Variants in ARHGAP21 observed in about 807,000 individuals in gnomAD.
ARHGAP21 encodes rho GTPase-activating protein 21.
A neutral mutation model predicts 164.6 loss-of-function variants in ARHGAP21; 38 were observed. That is an observed-to-expected ratio of 0.23 (90% CI 0.18 to 0.30). The LOEUF (loss-of-function observed/expected upper bound fraction) is 0.30. ARHGAP21 is among the 10% of genes least tolerant of loss of function. The pLI, the probability that ARHGAP21 is intolerant of heterozygous loss-of-function variation, is 1.00. For missense variants in ARHGAP21, 1,822 were observed against 2,370.7 expected, an observed-to-expected ratio of 0.77 and a Z score of 4.81; for synonymous variants, 766 against 857.9, an observed-to-expected ratio of 0.89 and a Z score of 1.87.
intron 7 of ARHGAP21, among the ~76,000 whole-genome samples, chr10:24,628,046 T>C (rs951592018): frequency 3.9e-5 from 6 of 152,248 alleles, no homozygotes; most frequent in Admixed American, 1.3e-4. Flanking sequence ...GGTAAATCCT[T>C]CGCTACCATA....
Position 24,585,370 on chromosome 10 carries a change from T to C in ARHGAP21, c.4919A>G (p.Glu1640Gly). ...CAAGGCTGTGGGGAACACGGGAAACTCGCTCTCGCTGTCGGTTTCCACAGG... is the reference window on the plus strand; with the variant it reads ...CAAGGCTGTGGGGAACACGGGAAACCCGCTCTCGCTGTCGGTTTCCACAGG... ...GRPVETDSES[E>G]FPVFPTALTS... Residue 1640 changes from glutamate (E) to glycine (G), a missense_variant, in exon 26 of 26, where the codon GAG (glutamate) becomes GGG (glycine). Transcript: ENST00000396432. 1 of 1,613,910 alleles carries C rather than the reference T, an allele frequency of 6.2e-7. No individual in the cohort carries two copies.
At chr10:24,658,591 C>T (rs556253178) in intron 4 of ARHGAP21, among the ~76,000 whole-genome samples, 1 of 152,234 alleles carries the variant, frequency 6.6e-6, no homozygotes, top group South Asian at 2.1e-4. Flanking sequence ...GAAAACCAAA[C>T]ACTGCATGTT....
At chr10:24,596,564 CAATACATTAGAAAA>C in intron 17 of ARHGAP21, 162 bp downstream of exon 17, 1 of 763,354 alleles carries the variant, frequency 1.3e-6, no homozygotes. Context: ...ATTTCGGAGT[CAATACATTAGAAAA>C]AAAGCATTAC....
intron 2 of ARHGAP21, among the ~76,000 whole-genome samples, chr10:24,693,411 C>T (rs1291436290): frequency 2.0e-5 from 3 of 151,784 alleles, no homozygotes; most frequent in Non-Finnish European, 4.4e-5. Flanking sequence ...ATGGCACTAT[C>T]TCAGCTCACT....
chr10:24,717,980 G>A (rs1052865846), intron 2 of ARHGAP21, among the ~76,000 whole-genome samples: 2 of 152,154 alleles, frequency 1.3e-5, no homozygotes, highest in Non-Finnish European at 2.9e-5. Context: ...TGCCCATCAG[G>A]AGGATCATTC....
chr10:24,588,066 T>C (rs1217171133), intron 25 of ARHGAP21, among the ~76,000 whole-genome samples: 1 of 152,190 alleles, frequency 6.6e-6, no homozygotes, highest in Non-Finnish European at 1.5e-5. Flanking sequence ...ATTAAAGAAG[T>C]CTAAAGAGAT....
In ARHGAP21 at chr10:24,667,007, A is replaced by T. The variant is rs764738543; in HGVS notation, c.246T>A (p.Asp82Glu). The change falls in exon 4 of 26, where the codon GAT becomes GAA. Residue 82 changes from aspartate to glutamate, a missense_variant and splice_region_variant. Around this residue, in one of 5 missense-constraint regions of ARHGAP21, gnomAD observed 1,090 missense variants for 1,378.9 expected, o/e 0.79. Coordinates refer to ENST00000396432, the MANE Select transcript of ARHGAP21 (RefSeq NM_020824.4). ...TACCTCCTCTGTTTCCATTTTCTTC[A>T]TCCTACAAATGAAAATATATATATA... The part of the protein sequence containing the change: ...PESAIQFSYK[D>E]EENGNRGGKQ... 2 of 1,398,738 alleles carry T rather than the reference A, an allele frequency of 1.4e-6. No homozygotes were observed. The highest frequency in any genetic ancestry group is 2.5e-5 in the South Asian group (2 of 80,334). 86.6% of individuals were successfully genotyped at this position (1,398,738 alleles called of 1,614,324 possible). A position where few individuals can be genotyped will look rare whatever the true frequency, so the allele number is the denominator to read the frequency against.
At chr10:24,596,110 T>G in intron 17 of ARHGAP21, 67 bp from the exon 18 acceptor site, 1 of 1,336,522 alleles carries the variant, frequency 7.5e-7, no homozygotes, top group Non-Finnish European at 1.0e-6. Context: ...ATATCACAGC[T>G]AAAATGCCCC....
intron 4 of ARHGAP21, among the ~76,000 whole-genome samples, chr10:24,639,868 AATTATTTGAAATTTTTAAAT>A (rs1352004199): frequency 1.3e-5 from 2 of 151,926 alleles, no homozygotes; most frequent in African/African-American, 2.4e-5. Context: ...GCAACATCTA[AATTATTTGAAATTTTTAAAT>A]ATTATTTGAA....
chr10:24,651,042 A>G (rs1347196354), intron 4 of ARHGAP21, among the ~76,000 whole-genome samples: 2 of 152,188 alleles, frequency 1.3e-5, no homozygotes, highest in Non-Finnish European at 2.9e-5. Context: ...GGGGTCCCCA[A>G]AAGAATACAA....
chr10:24,627,282 T>G (rs189216297), intron 7 of ARHGAP21, among the ~76,000 whole-genome samples: 16 of 152,332 alleles, frequency 1.1e-4, no homozygotes, highest in Admixed American at 9.8e-4. Flanking sequence ...ACAATAAATA[T>G]TCAACCTCAT....
chr10:24,715,179 T>G (rs1410720889), intron 2 of ARHGAP21, among the ~76,000 whole-genome samples: 1 of 152,206 alleles, frequency 6.6e-6, no homozygotes, highest in Non-Finnish European at 1.5e-5. Context: ...TATTACCTAT[T>G]TTTAAAGTCT....
chr10:24,684,673 C>T (rs188139803), intron 2 of ARHGAP21, among the ~76,000 whole-genome samples: 1 of 152,212 alleles, frequency 6.6e-6, no homozygotes, highest in Admixed American at 6.5e-5. Flanking sequence ...GGATCTTACT[C>T]TCTCACCCAG....
At chr10:24,669,733 A>G (rs1350814909) in intron 3 of ARHGAP21, among the ~76,000 whole-genome samples, 1 of 152,326 alleles carries the variant, frequency 6.6e-6, no homozygotes, top group East Asian at 1.9e-4. Context: ...GTTACTGTCC[A>G]CTGAAGCCTG....
rs1387432606 is a variant in ARHGAP21, at chr10:24,620,788, G to A, written c.1107C>T (p.Pro369=). The A allele has an allele frequency of 6.2e-7, 1 of 1,614,016 alleles. No homozygotes were observed. Among genetic ancestry groups the A allele is most frequent in the South Asian group, 1.1e-5 (1 of 91,080 alleles). ...SSSRSQAVEA[P]SVSVNHYSPN... ...GCGAATAGTGATTAACAGATACAGA[G>A]GGAGCCTCCACAGCTTGAGATCTGC... Residue 369 remains proline (P), a synonymous_variant, in exon 9 of 26, where the codon CCC becomes CCT. Transcript: ENST00000396432.
intron 11 of ARHGAP21, among the ~76,000 whole-genome samples, chr10:24,605,035 T>C (rs2076965646): frequency 6.6e-6 from 1 of 152,176 alleles, no homozygotes; most frequent in Non-Finnish European, 1.5e-5. Flanking sequence ...ACTAAAGGTG[T>C]CACTGTTTTC....
intron 23 of ARHGAP21, 112 bp from the exon 24 acceptor site, chr10:24,591,442 G>GTGTT (rs1431468465): frequency 8.9e-7 from 1 of 1,123,578 alleles, no homozygotes; most frequent in East Asian, 2.4e-5. Flanking sequence ...TGTGCTTAAT[G>GTGTT]TGTTTACATT....
chr10:24,608,810 G>A (rs1461610575), intron 9 of ARHGAP21, among the ~76,000 whole-genome samples: 3 of 152,044 alleles, frequency 2.0e-5, no homozygotes, highest in African/African-American at 7.2e-5. Context: ...AGGAAGAGAA[G>A]ACATTTTGAA....
chr10:24,654,847 T>C (rs1284623272), intron 4 of ARHGAP21, among the ~76,000 whole-genome samples: 2 of 152,186 alleles, frequency 1.3e-5, no homozygotes, highest in Non-Finnish European at 1.5e-5. Context: ...GCTGGAGGCA[T>C]CACACTACCT....
Sources: gnomAD v4.1 joint callset for allele counts (sites outside exome capture counted in the v4.1 genomes callset) on GRCh38, gnomAD v4.1.1 for gene constraint, gnomAD v4.1.1 regional missense constraint, MANE v1.5 for transcripts, NCBI Gene and HGNC (gene_info 2026-07-23, HGNC 2026-07-21) for gene names.